Variants in AHCTF1 observed in about 807,000 individuals in gnomAD.
AHCTF1 encodes AT-hook containing transcription factor 1.
In AHCTF1, 24 loss-of-function variants were observed where a neutral mutation model predicts 248.4. That is an observed-to-expected ratio of 0.10 (90% CI 0.07 to 0.14). The LOEUF is 0.14. Ranked by LOEUF, AHCTF1 falls within the 10% of genes least tolerant of loss-of-function variation. The pLI is 1.00. For missense variants in AHCTF1, 2,206 were observed against 2,636.2 expected (o/e 0.84, Z 3.57); for synonymous variants, 786 against 929.8 (o/e 0.85, Z 2.81).
intron 3 of AHCTF1, among the ~76,000 whole-genome samples, chr1:246,915,415 T>A (rs1294110536): frequency 6.6e-6 from 1 of 152,136 alleles, no homozygotes; most frequent in East Asian, 1.9e-4. Context: ...ACCTAACGTT[T>A]CTGGCCCCCT....
At chr1:246,885,816 C>T (rs1175437954) in intron 20 of AHCTF1, 136 bp from the exon 21 acceptor site, 9 of 822,058 alleles carry the variant, frequency 1.1e-5, no homozygotes, top group African/African-American at 3.5e-5. Flanking sequence ...CTACTTTAAT[C>T]TGTGCTATAT....
intron 6 of AHCTF1, among the ~76,000 whole-genome samples, chr1:246,904,884 T>C (rs747744982): frequency 1.4e-4 from 22 of 152,320 alleles, no homozygotes; most frequent in Middle Eastern, 3.4e-3. Flanking sequence ...CTTAGTCCTT[T>C]GCTGAGTACC....
Position 246,850,376 on chromosome 1 carries a change from C to G in AHCTF1, c.5630G>C (p.Arg1877Thr), listed in dbSNP as rs769851117. Residue 1877 changes from arginine to threonine, a missense_variant, in exon 33 of 36, where the codon AGA (arginine) becomes ACA (threonine). Transcript: ENST00000648844. ...VTKRTPRRIK[R>T]SVENQESVEI... Reference sequence around the variant, plus strand: ...AACACTTTCCTGATTTTCTACAGATCTTTTAATTCTTCTAGGAGTCCTTTT... The same window carrying G: ...AACACTTTCCTGATTTTCTACAGATGTTTTAATTCTTCTAGGAGTCCTTTT... 1 of 1,612,124 alleles carries G rather than the reference C, an allele frequency of 6.2e-7. No individual in the cohort carries two copies. Among genetic ancestry groups the G allele is most frequent in the South Asian group, 1.1e-5 (1 of 90,720 alleles).
At chr1:246,882,418 T>C (rs74400921) in intron 21 of AHCTF1, among the ~76,000 whole-genome samples, 1,726 of 152,316 alleles carry the variant, frequency 0.011, 14 homozygotes, top group Middle Eastern at 0.024. Flanking sequence ...AACCCATTAT[T>C]TGTAAATTAA....
intron 24 of AHCTF1, among the ~76,000 whole-genome samples, chr1:246,868,969 T>C (rs370087175): frequency 0.026 from 3,896 of 150,248 alleles, 64 homozygotes; most frequent in African/African-American, 0.047. Context: ...CTCAGCCTGC[T>C]GAGTAGCTGG....
rs778039087 is a variant in AHCTF1 at position 246,843,919 on chromosome 1, A to G, written c.6401T>C (p.Ile2134Thr). 3 of 1,457,478 alleles carry G rather than the reference A, an allele frequency of 2.1e-6. No individual in the cohort carries two copies. The highest frequency in any genetic ancestry group is 2.5e-5 in the East Asian group (1 of 40,294). The allele number at this position is 1,457,478 out of a possible 1,614,324, so 90.3% of individuals were successfully genotyped here. A position where few individuals can be genotyped will look rare whatever the true frequency, so the allele number is the denominator to read the frequency against. The change falls in exon 34 of 36, where the codon ATA (isoleucine) becomes ACA (threonine). Residue 2134 changes from isoleucine to threonine, a missense_variant. Coordinates refer to ENST00000648844, the MANE Select transcript of AHCTF1 (RefSeq NM_001323342.2). ...EVPRKAKAKK[I>T]EVPAQLKELV... is the part of the protein sequence containing the mutation. ...TTCTTTCAGCTGTGCAGGAACCTCTATTTTTTTAGCTAAAAAAAGTTGAAA... is the reference window on the plus strand; with the variant it reads ...TTCTTTCAGCTGTGCAGGAACCTCTGTTTTTTTAGCTAAAAAAAGTTGAAA...
At chr1:246,931,242 TG>T in intron 1 of AHCTF1, 1 of 1,549,522 alleles carries the variant, frequency 6.5e-7, no homozygotes, top group Non-Finnish European at 8.7e-7. Flanking sequence ...GGGAGAACAG[TG>T]GGAAAGGGTC....
chr1:246,849,889 C>T lies in AHCTF1; in HGVS notation c.6117G>A (p.Ser2039=), dbSNP rs150761910. The T allele has an allele frequency of 1.8e-4, 290 of 1,613,802 alleles. 1 individual carries two copies. Among genetic ancestry groups the T allele is most frequent in the Middle Eastern group, 3.3e-4 (2 of 6,078 alleles). The change falls in exon 33 of 36, where the codon TCG becomes TCA. Residue 2039 remains serine (S), a synonymous_variant. Coordinates refer to ENST00000648844, the MANE Select transcript of AHCTF1 (RefSeq NM_001323342.2). ...KSILVPNEEL[S]MVMSSKKKLT... is the part of the protein sequence containing the mutation. ...GTTTTTTCTTAGAGCTCATCACCATCGAAAGTTCCTCGTTTGGCACTAAAA... is the reference window on the plus strand; with the variant it reads ...GTTTTTTCTTAGAGCTCATCACCATTGAAAGTTCCTCGTTTGGCACTAAAA...
chr1:246,880,567 C>CAAAA (rs370055569), intron 21 of AHCTF1, among the ~76,000 whole-genome samples: 2 of 54,508 alleles, frequency 3.7e-5, no homozygotes, highest in Non-Finnish European at 7.9e-5. Flanking sequence ...GACTCCAGCT[C>CAAAA]AAAAAAAAAA....
chr1:246,848,399 A>G (rs904933223), intron 33 of AHCTF1, among the ~76,000 whole-genome samples: 4 of 145,482 alleles, frequency 2.7e-5, no homozygotes, highest in Non-Finnish European at 6.0e-5. Flanking sequence ...TATTTTTTTT[A>G]GTAGTGTTAG....
chr1:246,914,294 C>A (rs1290000806), intron 3 of AHCTF1, among the ~76,000 whole-genome samples: 1 of 152,208 alleles, frequency 6.6e-6, no homozygotes, highest in Admixed American at 6.5e-5. Context: ...TAAAACACTT[C>A]TAGTCCCAGG....
At position 246,899,510 on chromosome 1, in the gene AHCTF1, C is replaced by A; in HGVS notation, c.1435G>T (p.Ala479Ser). The A allele has an allele frequency of 1.9e-6, 3 of 1,604,868 alleles. No individual in the cohort carries two copies. The highest frequency in any genetic ancestry group is 2.3e-5 in the East Asian group (1 of 44,330). ...ACTCCCGAGTTTAACAAACAAGTGG[C>A]ATCTAAAAAAAAGATTTAAAAAATA... is the stretch of plus-strand genomic sequence containing the variant. ...FFNPSTYNFD[A>S]TCLLNSGVVH... is the part of the protein sequence containing the mutation. The change falls in exon 11 of 36, where the codon GCC (alanine) becomes TCC (serine). Residue 479 changes from alanine (A) to serine (S), a missense_variant and splice_region_variant. Ala to Ser is a moderately conservative substitution (Grantham distance 99). Transcript: ENST00000648844.
chr1:246,931,368 C>T (rs138217683), intron 1 of AHCTF1: 45,558 of 1,520,514 alleles, frequency 0.03, 783 homozygotes, highest in African/African-American at 0.054. Context: ...TAACGAAGCC[C>T]GGCGCCCGCG....
At chr1:246,869,330 T>C (rs1322090256) in intron 24 of AHCTF1, among the ~76,000 whole-genome samples, 2 of 151,896 alleles carry the variant, frequency 1.3e-5, no homozygotes, top group Non-Finnish European at 1.5e-5. Flanking sequence ...CTAATAACCC[T>C]ACAAAGACCT....
intron 33 of AHCTF1, among the ~76,000 whole-genome samples, chr1:246,847,197 G>A (rs1660331707): frequency 6.6e-6 from 1 of 151,684 alleles, no homozygotes; most frequent in South Asian, 2.1e-4. Context: ...GCTGAGGCAG[G>A]AGAATTGTTT....
chr1:246,867,904 CA>C lies in AHCTF1; in HGVS notation c.3089-94del, dbSNP rs1558229740. The C allele has an allele frequency of 0.01, 3,209 of 307,512 alleles. 94 individuals are homozygous for C. In the African/African-American group the frequency reaches 0.14, roughly 14 times the overall value. 19.0% of individuals were successfully genotyped at this position (307,512 alleles called of 1,614,324 possible). ...AAGAATGATTACACCCCCCCCCCCA[CA>C]CACACACACACACACATTACGTGGT... On this transcript the variant is annotated intron_variant, in intron 24 of 35. Transcript: ENST00000648844.
chr1:246,890,944 T>A lies in AHCTF1; in HGVS notation c.2050+12A>T, dbSNP rs1408306411. On this transcript the variant is annotated intron_variant, in intron 16 of 35. Coordinates refer to ENST00000648844, the MANE Select transcript of AHCTF1 (RefSeq NM_001323342.2). The stretch of plus-strand genomic sequence containing the variant: ...TTTTAATTAATACTTATAGATTAAG[T>A]AAATATTTTACCTATGCCTTCTGGT... 1 of 1,474,208 alleles carries A rather than the reference T, an allele frequency of 6.8e-7. No individual in the cohort carries two copies. The highest frequency in any genetic ancestry group is 9.0e-7 in the Non-Finnish European group (1 of 1,106,380). 91.3% of individuals were successfully genotyped at this position (1,474,208 alleles called of 1,614,324 possible).
chr1:246,863,696 C>G (rs991395848), intron 27 of AHCTF1, among the ~76,000 whole-genome samples: 4 of 152,124 alleles, frequency 2.6e-5, no homozygotes, highest in Admixed American at 2.0e-4. Flanking sequence ...AATTCACAAC[C>G]ACACAGAACC....
intron 31 of AHCTF1, among the ~76,000 whole-genome samples, chr1:246,853,638 A>G (rs1395822252): frequency 6.7e-6 from 1 of 150,248 alleles, no homozygotes; most frequent in African/African-American, 2.5e-5. Flanking sequence ...ATCCTTGTAG[A>G]GTAATTACAG....
Sources: allele counts gnomAD v4.1 joint callset (sites outside exome capture counted in the v4.1 genomes callset), GRCh38; gene constraint gnomAD v4.1.1; transcripts MANE v1.5; gene names NCBI Gene and HGNC (gene_info 2026-07-23, HGNC 2026-07-21).